ASIP: variants seen among roughly 807,000 people sequenced by gnomAD.
ASIP encodes the protein agouti signaling protein, also known as agouti-signaling protein.
A neutral mutation model predicts 10.3 loss-of-function variants in ASIP; 11 were observed. The observed-to-expected ratio is 1.07, with a 90% CI of 0.68 to 1.78. ASIP has a LOEUF of 1.78. Ranked by LOEUF, ASIP falls within the 40% of genes most tolerant of loss-of-function variation. The pLI is 0.00. For synonymous variants in ASIP, 70 were observed against 70.8 expected, an observed-to-expected ratio of 0.99 and a Z score of 0.06; for missense variants, 180 against 169.2, an observed-to-expected ratio of 1.06 and a Z score of -0.35.
intron 3 of ASIP, among the ~76,000 whole-genome samples, chr20:34,263,186 T>G (rs2035725121): frequency 6.6e-6 from 1 of 152,218 alleles, no homozygotes; most frequent in South Asian, 2.1e-4. Flanking sequence ...GAATGTGGTG[T>G]TTCCCAAACC....
At chr20:34,215,590 T>C (rs914180689) in intron 1 of ASIP, 178 of 1,487,440 alleles carry the variant, frequency 1.2e-4, no homozygotes, top group Non-Finnish European at 5.7e-5. Context: ...CTTTATTTGG[T>C]ATAAAGGTCT....
chr20:34,215,081 A>G, intron 1 of ASIP: 1 of 1,559,226 alleles, frequency 6.4e-7, no homozygotes, highest in South Asian at 1.1e-5. Flanking sequence ...GCAGACTGTA[A>G]TACTTGACAC....
intron 3 of ASIP, among the ~76,000 whole-genome samples, chr20:34,263,141 T>C (rs1048863098): frequency 1.3e-5 from 2 of 152,236 alleles, no homozygotes; most frequent in African/African-American, 2.4e-5. Flanking sequence ...AGTTAGCCCC[T>C]GCCTGAAATT....
chr20:34,250,711 C>T (rs2035460237), intron 1 of ASIP, among the ~76,000 whole-genome samples: 1 of 152,106 alleles, frequency 6.6e-6, no homozygotes, highest in Non-Finnish European at 1.5e-5. Context: ...ATGGGAGAAT[C>T]GCTTGAACCC....
intron 1 of ASIP, among the ~76,000 whole-genome samples, chr20:34,235,933 G>C (rs1051670279): frequency 4.0e-5 from 5 of 124,078 alleles, no homozygotes; most frequent in Non-Finnish European, 7.9e-5. Flanking sequence ...GAAGGAAGCG[G>C]GAGGGAGGGA....
the ASIP span, among the ~76,000 whole-genome samples, chr20:34,189,512 G>A: frequency 6.6e-6 from 1 of 151,938 alleles, no homozygotes; most frequent in Non-Finnish European, 1.5e-5. Context: ...AAAGTGCTGG[G>A]ATTACAGGCA....
chr20:34,258,695 A>AAT (rs1568768712), intron 1 of ASIP, among the ~76,000 whole-genome samples: 1 of 15,548 alleles, frequency 6.4e-5, no homozygotes, highest in Non-Finnish European at 1.5e-4. Context: ...ATATATACAT[A>AAT]CTATATATAT....
At chr20:34,201,017 C>CTTCCTTCTTTCTTTCTTTCTTTCT (rs751841818) in intron 1 of ASIP, among the ~76,000 whole-genome samples, 25 of 63,338 alleles carry the variant, frequency 3.9e-4, no homozygotes, top group Admixed American at 8.1e-4. Context: ...TCCTTCCTTC[C>CTTCCTTCTTTCTTTCTTTCTTTCT]TTCTTTCTTT....
chr20:34,266,401 G>A (rs144515764), intron 3 of ASIP, among the ~76,000 whole-genome samples: 6 of 152,004 alleles, frequency 3.9e-5, no homozygotes, highest in Admixed American at 1.3e-4. Context: ...GGCCAGGCAC[G>A]GTGGCTCATA....
At chr20:34,223,285 G>T (rs541751956) in intron 1 of ASIP, among the ~76,000 whole-genome samples, 2 of 138,352 alleles carry the variant, frequency 1.4e-5, no homozygotes, top group Non-Finnish European at 3.1e-5. Context: ...CTGCCGCCCC[G>T]TCTGGGATGT....
intron 1 of ASIP, among the ~76,000 whole-genome samples, chr20:34,235,596 C>T (rs2035170346): frequency 1.3e-5 from 2 of 151,798 alleles, no homozygotes; most frequent in South Asian, 4.2e-4. Context: ...ACAATCATGG[C>T]CAAAACAAAA....
At chr20:34,256,294 G>C (rs1311039521) in intron 1 of ASIP, among the ~76,000 whole-genome samples, 1 of 152,120 alleles carries the variant, frequency 6.6e-6, no homozygotes, top group East Asian at 1.9e-4. Context: ...GCACAGCCAG[G>C]CATTCGGGGC....
intron 1 of ASIP, among the ~76,000 whole-genome samples, chr20:34,219,827 C>T (rs1232512496): frequency 2.6e-5 from 4 of 152,326 alleles, no homozygotes; most frequent in Non-Finnish European, 5.9e-5. Flanking sequence ...CGGTGGCTCA[C>T]GCCTGTAATC....
At chr20:34,231,643 C>A (rs1200194554) in intron 1 of ASIP, among the ~76,000 whole-genome samples, 1 of 152,110 alleles carries the variant, frequency 6.6e-6, no homozygotes, top group Non-Finnish European at 1.5e-5. Flanking sequence ...GAACTTGTAT[C>A]CAGAATATAG....
intron 1 of ASIP, among the ~76,000 whole-genome samples, chr20:34,222,652 C>T (rs551871486): frequency 1.1e-3 from 174 of 152,250 alleles, no homozygotes; most frequent in Non-Finnish European, 2.0e-3. Context: ...CTCTCCGTCT[C>T]CCTCTCCCTC....
Position 34,205,741 on chromosome 20 carries a change from GAC to G in ASIP, c.-11+10985_-11+10986del, listed in dbSNP as rs1163716749. 7.9e-5 allele frequency among the ~76,000 whole-genome samples: 12 copies of G among 151,216 alleles called. No homozygotes were observed. In the East Asian group the frequency reaches 2.3e-3, roughly 29 times the overall value. Reference sequence around the variant, plus strand: ...TGGTGCTTTTACAATCCTTTAGCTAGACACAGAGTGTTGATTGGTGCATTTAC... The same window carrying G: ...TGGTGCTTTTACAATCCTTTAGCTAGACAGAGTGTTGATTGGTGCATTTAC... On this transcript the variant is annotated intron_variant, in intron 1 of 3. Transcript: ENST00000568305.
chr20:34,250,852 T>C (rs1401154488), intron 1 of ASIP, among the ~76,000 whole-genome samples: 3 of 152,120 alleles, frequency 2.0e-5, no homozygotes, highest in Non-Finnish European at 4.4e-5. Context: ...AACAAGGCCT[T>C]ATCCCTGAAG....
chr20:34,242,487 C>T (rs1293715093), intron 1 of ASIP, among the ~76,000 whole-genome samples: 1 of 152,212 alleles, frequency 6.6e-6, no homozygotes, highest in African/African-American at 2.4e-5. Context: ...CCCACCTCAG[C>T]CTCCCAAAGT....
chr20:34,243,632 C>T (rs2035318387), intron 1 of ASIP, among the ~76,000 whole-genome samples: 1 of 151,788 alleles, frequency 6.6e-6, no homozygotes, highest in Admixed American at 6.6e-5. Context: ...TAACACATAC[C>T]AGATAGTCTC....
Sources: allele counts gnomAD v4.1 joint callset (sites outside exome capture counted in the v4.1 genomes callset), GRCh38; gene constraint gnomAD v4.1.1; transcripts MANE v1.5; gene names NCBI Gene and HGNC (gene_info 2026-07-23, HGNC 2026-07-21).